PCDHA9: variants seen among roughly 807,000 people sequenced by gnomAD.
PCDHA9 encodes protocadherin alpha-9.
A neutral mutation model predicts 62.0 loss-of-function variants in PCDHA9; 62 were observed. The ratio of observed to expected loss-of-function variants is 1.00; its 90% CI spans 0.81 to 1.23. PCDHA9 has a LOEUF of 1.23. Among genes scored for constraint, PCDHA9 ranks in the 50% most tolerant of loss-of-function variants. PCDHA9 has a pLI of 0.00. For missense variants in PCDHA9, 1,205 were observed against 1,249.8 expected (o/e 0.96, Z 0.54); for synonymous variants, 557 against 567.6 (o/e 0.98, Z 0.27).
intron 1 of PCDHA9, chr5:140,852,983 A>T (rs1409156147): frequency 3.0e-6 from 1 of 337,908 alleles, no homozygotes; most frequent in Non-Finnish European, 4.4e-6. Context: ...TGTTCACGCC[A>T]TTCTCCTGCC....
At chr5:140,982,273 A>G (rs1554243953) in intron 2 of PCDHA9, 2 of 943,086 alleles carry the variant, frequency 2.1e-6, no homozygotes, top group Non-Finnish European at 3.0e-6. Context: ...CTGGAATAGT[A>G]TAGCAGGCAA....
intron 1 of PCDHA9, chr5:140,927,020 T>G: frequency 6.2e-7 from 1 of 1,612,524 alleles, no homozygotes; most frequent in Non-Finnish European, 8.5e-7. Flanking sequence ...TCCGCGGACT[T>G]GAGGCTGCCA....
chr5:140,884,092 G>C, intron 1 of PCDHA9: 2 of 1,613,556 alleles, frequency 1.2e-6, no homozygotes, highest in Non-Finnish European at 1.7e-6. Context: ...CGTGGCTTTC[G>C]TATGAATTGC....
At chr5:141,007,749 T>C (rs2098343750) in intron 3 of PCDHA9, among the ~76,000 whole-genome samples, 2 of 152,334 alleles carry the variant, frequency 1.3e-5, no homozygotes, top group South Asian at 4.1e-4. Flanking sequence ...AAGATAACTT[T>C]GGACTCTTAT....
At chr5:140,858,260 G>A (rs782801879) in intron 1 of PCDHA9, 2 of 1,597,208 alleles carry the variant, frequency 1.3e-6, no homozygotes, top group South Asian at 2.2e-5. Context: ...GCCCACGCTG[G>A]TGTGCTCTAG....
chr5:140,857,566 C>G, intron 1 of PCDHA9: 1 of 1,596,798 alleles, frequency 6.3e-7, no homozygotes, highest in South Asian at 1.1e-5. Flanking sequence ...TGTCGAGCTA[C>G]GTGTCGGTGC....
chr5:141,001,694 C>A (rs2098032582), intron 3 of PCDHA9, among the ~76,000 whole-genome samples: 1 of 151,662 alleles, frequency 6.6e-6, no homozygotes, highest in African/African-American at 2.4e-5. Flanking sequence ...CCACAGATGG[C>A]GAAATAGGGG....
chr5:140,876,012 T>C (rs2056048598), intron 1 of PCDHA9: 1 of 1,613,604 alleles, frequency 6.2e-7, no homozygotes, highest in Non-Finnish European at 8.5e-7. Flanking sequence ...ATTTTGAGCT[T>C]AAAATAAAAA....
At chr5:140,982,439 G>T in intron 2 of PCDHA9, 36 bp from the exon 3 acceptor site, 1 of 1,613,560 alleles carries the variant, frequency 6.2e-7, no homozygotes, top group Non-Finnish European at 8.5e-7. Context: ...AAGAATTTAT[G>T]ATCTAACCGT....
At chr5:140,871,415 T>C in intron 1 of PCDHA9, 1 of 1,613,926 alleles carries the variant, frequency 6.2e-7, no homozygotes, top group Non-Finnish European at 8.5e-7. Context: ...CTCATGGCCT[T>C]CAGCCCCAGT....
chr5:140,951,220 C>G (rs1554219798), intron 1 of PCDHA9, among the ~76,000 whole-genome samples: 1 of 151,926 alleles, frequency 6.6e-6, no homozygotes, highest in Non-Finnish European at 1.5e-5. Context: ...GGTTTGGATT[C>G]TTGATGGTCT....
At chr5:140,866,702 C>T (rs251370) in intron 1 of PCDHA9, 67,860 of 151,870 alleles carry the variant, frequency 0.45, 15,551 homozygotes, top group South Asian at 0.58. Flanking sequence ...CAGTGGATGA[C>T]GTGCACTAGT....
Position 140,968,215 on chromosome 5 carries a change from G to T in PCDHA9, c.2395-10734G>T, listed in dbSNP as rs782676713. The stretch of plus-strand genomic sequence containing the variant: ...CCATCTACATACAGGAGAACAATTT[G>T]CCAGGTGTGTTGCTCTGTACTGTGC... On this transcript the variant is annotated intron_variant, in intron 1 of 3. Transcript: ENST00000532602. 3.1e-6 allele frequency: 5 copies of T among 1,613,862 alleles called. No homozygotes were observed. In the East Asian group the frequency reaches 1.1e-4, roughly 36 times the overall value.
intron 3 of PCDHA9, among the ~76,000 whole-genome samples, chr5:141,004,088 T>G (rs797038928): frequency 3.4e-4 from 52 of 152,346 alleles, no homozygotes; most frequent in African/African-American, 1.2e-3. Flanking sequence ...GAAATGTGCT[T>G]CTTCCGTTTT....
chr5:140,883,552 G>A, intron 1 of PCDHA9: 2 of 1,614,234 alleles, frequency 1.2e-6, no homozygotes, highest in South Asian at 1.1e-5. Flanking sequence ...TGACCGCGCG[G>A]GACGGGGGCT....
At chr5:140,882,174 C>A (rs868925922) in intron 1 of PCDHA9, 1 of 1,514,752 alleles carries the variant, frequency 6.6e-7, no homozygotes, top group Non-Finnish European at 8.8e-7. Flanking sequence ...CGAATCCTTC[C>A]GCACTAGGAA....
At chr5:140,933,773 A>G (rs2089413998) in intron 1 of PCDHA9, among the ~76,000 whole-genome samples, 1 of 152,040 alleles carries the variant, frequency 6.6e-6, no homozygotes, top group South Asian at 2.1e-4. Context: ...CTGTACCTAC[A>G]GTTTTCTTTG....
chr5:140,929,698 G>A (rs2086308201), intron 1 of PCDHA9: 1 of 263,620 alleles, frequency 3.8e-6, no homozygotes, highest in Non-Finnish European at 7.5e-6. Flanking sequence ...TGCTTTATAT[G>A]AATATAATAT....
intron 1 of PCDHA9, among the ~76,000 whole-genome samples, chr5:140,974,729 G>C (rs1007565470): frequency 2.6e-5 from 4 of 152,032 alleles, no homozygotes; most frequent in African/African-American, 9.7e-5. Flanking sequence ...TCGAACTCCT[G>C]TCTCCACCTT....
Sources: allele counts gnomAD v4.1 joint callset (sites outside exome capture counted in the v4.1 genomes callset), GRCh38; gene constraint gnomAD v4.1.1; transcripts MANE v1.5; gene names NCBI Gene and HGNC (gene_info 2026-07-23, HGNC 2026-07-21).